Variants in STXBP4 observed in about 807,000 individuals in gnomAD.
STXBP4 encodes the protein syntaxin-binding protein 4.
In STXBP4, 55 loss-of-function variants were observed where a neutral mutation model predicts 76.1. The observed-to-expected ratio is 0.72, with a 90% CI of 0.58 to 0.91. The LOEUF (loss-of-function observed/expected upper bound fraction) is 0.91. STXBP4 is among the 40% of genes least tolerant of loss of function. STXBP4 has a pLI of 0.00. For missense variants in STXBP4, 618 were observed against 636.9 expected, an observed-to-expected ratio of 0.97 and a Z score of 0.32; for synonymous variants, 201 against 220.2, an observed-to-expected ratio of 0.91 and a Z score of 0.77.
intron 17 of STXBP4, among the ~76,000 whole-genome samples, chr17:55,141,705 C>G (rs1255245813): frequency 2.0e-5 from 3 of 152,126 alleles, no homozygotes; most frequent in Non-Finnish European, 4.4e-5. Flanking sequence ...TTTTGTATAT[C>G]TTTGAAAGTT....
intron 16 of STXBP4, among the ~76,000 whole-genome samples, chr17:55,100,911 T>C (rs2079555150): frequency 6.6e-6 from 1 of 152,282 alleles, no homozygotes; most frequent in East Asian, 1.9e-4. Flanking sequence ...AGGAGACTCA[T>C]GACAAGGAGC....
At chr17:54,980,844 T>G (rs2144326403) in intron 1 of STXBP4, among the ~76,000 whole-genome samples, 1 of 152,368 alleles carries the variant, frequency 6.6e-6, no homozygotes, top group South Asian at 2.1e-4. Context: ...TTGTCCCATC[T>G]GTGGCCCATG....
chr17:55,179,834 G>C, the STXBP4 span, among the ~76,000 whole-genome samples: 2 of 152,090 alleles, frequency 1.3e-5, no homozygotes. Context: ...TATGTTATCA[G>C]TGTGTTATTA....
At chr17:55,034,862 A>G (rs75858408) in intron 10 of STXBP4, among the ~76,000 whole-genome samples, 1,676 of 152,090 alleles carry the variant, frequency 0.011, 27 homozygotes, top group African/African-American at 0.037. Flanking sequence ...TGTGAAGTCT[A>G]TTAGCTTCAA....
At chr17:55,029,095 G>T (rs572692007) in intron 8 of STXBP4, among the ~76,000 whole-genome samples, 24 of 151,804 alleles carry the variant, frequency 1.6e-4, no homozygotes, top group Non-Finnish European at 3.4e-4. Context: ...CTGTTAATCA[G>T]GGAATGGATA....
intron 1 of STXBP4, among the ~76,000 whole-genome samples, chr17:54,980,943 T>G (rs551049022): frequency 1.1e-3 from 170 of 152,108 alleles, no homozygotes; most frequent in African/African-American, 3.6e-3. Flanking sequence ...GCGTTTTTTT[T>G]TTGTTGTTGT....
chr17:55,074,224 C>G (rs546128154), intron 13 of STXBP4, among the ~76,000 whole-genome samples: 2 of 152,190 alleles, frequency 1.3e-5, no homozygotes, highest in South Asian at 4.1e-4. Flanking sequence ...ACTAGTGTTA[C>G]AAATGCAAAA....
At chr17:55,191,582 T>G in the STXBP4 span, among the ~76,000 whole-genome samples, 2 of 152,132 alleles carry the variant, frequency 1.3e-5, no homozygotes, top group Non-Finnish European at 2.9e-5. Context: ...TTCATCTGTC[T>G]CTGTTCTCAT....
intron 1 of STXBP4, among the ~76,000 whole-genome samples, chr17:54,969,051 C>T (rs1463520581): frequency 6.6e-6 from 1 of 152,232 alleles, no homozygotes; most frequent in Admixed American, 6.5e-5. Flanking sequence ...CCTGTGCTCA[C>T]TGCCCTGGAC....
intron 16 of STXBP4, among the ~76,000 whole-genome samples, chr17:55,086,389 T>C (rs2079329770): frequency 6.6e-6 from 1 of 152,164 alleles, no homozygotes; most frequent in Non-Finnish European, 1.5e-5. Context: ...ATCATTTCCT[T>C]TGGTTGGGAA....
chr17:55,080,903 A>G (rs1210297368), intron 15 of STXBP4, 147 bp from the exon 16 acceptor site: 1 of 628,798 alleles, frequency 1.6e-6, no homozygotes, highest in Non-Finnish European at 2.3e-6. Flanking sequence ...TTTTATGTGA[A>G]TTACTTCAAT....
chr17:55,210,151 G>C, the STXBP4 span, among the ~76,000 whole-genome samples: 15 of 152,204 alleles, frequency 9.9e-5, no homozygotes, highest in Non-Finnish European at 1.5e-4. Context: ...CCTGCATCTG[G>C]AATATTCACT....
At position 55,005,944 on chromosome 17, in the gene STXBP4, A is replaced by C. The variant is rs1193334467; in HGVS notation, c.575-1562A>C. Among the ~76,000 whole-genome samples, 5 of 152,122 alleles carry C rather than the reference A, an allele frequency of 3.3e-5. No individual in the cohort carries two copies. The East Asian group carries it at 9.6e-4, about 29-fold the overall frequency. ...AAAAAAATTATATGTATGTATATAAAAAAATTATATGTGTATGTGTGTATA... is the reference window on the plus strand; with the variant it reads ...AAAAAAATTATATGTATGTATATAACAAAATTATATGTGTATGTGTGTATA... On this transcript the variant is annotated intron_variant, in intron 7 of 17. Transcript: ENST00000376352.
At chr17:55,060,613 A>G (rs9303363) in intron 12 of STXBP4, among the ~76,000 whole-genome samples, 120,327 of 152,086 alleles carry the variant, frequency 0.79, 48,233 homozygotes, top group African/African-American at 0.91. Flanking sequence ...TATTCAATCA[A>G]GGATAGCTAC....
At chr17:54,992,672 C>G (rs1258685863) in intron 4 of STXBP4, among the ~76,000 whole-genome samples, 1 of 148,300 alleles carries the variant, frequency 6.7e-6, no homozygotes, top group Non-Finnish European at 1.5e-5. Context: ...AATAGTAGAT[C>G]AGGGTACCCA....
chr17:55,026,897 G>C (rs551139607), intron 8 of STXBP4, among the ~76,000 whole-genome samples: 10 of 152,148 alleles, frequency 6.6e-5, no homozygotes, highest in Non-Finnish European at 1.5e-4. Flanking sequence ...GGGCACCCTG[G>C]CTTTGCAAGT....
In STXBP4 at chr17:55,062,945, T is replaced by C. The variant is rs190577959; in HGVS notation, c.1012-9955T>C. ...TTGAGAAAAGAAGTTATAAAGCTCT[T>C]ATAGTGATAGACAGCAATCTGGTTG... is the stretch of plus-strand genomic sequence containing the variant. On this transcript the variant is annotated intron_variant, in intron 12 of 17. Coordinates refer to ENST00000376352, the MANE Select transcript of STXBP4 (RefSeq NM_178509.6). 2.6e-5 allele frequency among the ~76,000 whole-genome samples: 4 copies of C among 152,356 alleles called. No homozygotes were observed. The East Asian group carries it at 5.8e-4, about 22-fold the overall frequency.
At chr17:55,197,525 C>T in the STXBP4 span, among the ~76,000 whole-genome samples, 16 of 152,276 alleles carry the variant, frequency 1.1e-4, no homozygotes, top group South Asian at 1.2e-3. Context: ...GGGCAGATAA[C>T]GAGGTCAGTA....
intron 1 of STXBP4, among the ~76,000 whole-genome samples, chr17:54,982,079 G>A (rs1370669115): frequency 6.6e-6 from 1 of 152,158 alleles, no homozygotes; most frequent in East Asian, 1.9e-4. Flanking sequence ...GTACAACCCT[G>A]ACTGAGGGAC....
Sources: allele counts gnomAD v4.1 joint callset (sites outside exome capture counted in the v4.1 genomes callset), GRCh38; gene constraint gnomAD v4.1.1; transcripts MANE v1.5; gene names NCBI Gene and HGNC (gene_info 2026-07-23, HGNC 2026-07-21).